SPECC1L: variants seen among roughly 807,000 people sequenced by gnomAD.
SPECC1L encodes sperm antigen with calponin homology and coiled-coil domains 1 like.
In SPECC1L, 40 loss-of-function variants were observed where a neutral mutation model predicts 116.8. The ratio of observed to expected loss-of-function variants is 0.34; its 90% CI spans 0.27 to 0.45. The LOEUF is 0.45. SPECC1L is among the 20% of genes least tolerant of loss of function. The pLI, the probability that SPECC1L is intolerant of heterozygous loss-of-function variation, is 1.00. For missense variants in SPECC1L, 1,110 were observed against 1,373.6 expected (o/e 0.81, Z 3.03); for synonymous variants, 504 against 500.6 (o/e 1.01, Z -0.09).
chr22:24,272,408 C>G (rs2048746249), intron 1 of SPECC1L, among the ~76,000 whole-genome samples: 1 of 151,822 alleles, frequency 6.6e-6, no homozygotes, highest in Non-Finnish European at 1.5e-5. Context: ...CTCCCTGGCT[C>G]ACGCCTGTAA....
chr22:24,332,511 AAAG>A (rs1204143914), intron 8 of SPECC1L, among the ~76,000 whole-genome samples: 3 of 152,230 alleles, frequency 2.0e-5, no homozygotes, highest in Non-Finnish European at 4.4e-5. Context: ...TGCAGTTATC[AAAG>A]AAGAACAGCT....
chr22:24,361,381 C>T (rs2041639610), intron 11 of SPECC1L, among the ~76,000 whole-genome samples: 2 of 151,732 alleles, frequency 1.3e-5, no homozygotes. Context: ...AGAGCAAGGT[C>T]CTGTCTTAGA....
At chr22:24,317,204 G>C (rs1601543018) in intron 4 of SPECC1L, among the ~76,000 whole-genome samples, 5 of 106,020 alleles carry the variant, frequency 4.7e-5, no homozygotes, top group African/African-American at 1.1e-4. Context: ...TCCCAGTAGG[G>C]GCGGCCGGGC....
chr22:24,414,441 C>T (rs980560168), intron 16 of SPECC1L, 93 bp from the exon 17 acceptor site: 16 of 1,016,958 alleles, frequency 1.6e-5, no homozygotes, highest in African/African-American at 1.1e-4. Flanking sequence ...AGGCCCCATC[C>T]AACTCCAAGA....
chr22:24,412,611 T>A (rs759773696), intron 15 of SPECC1L, 37 bp from the exon 16 acceptor site: 1 of 1,610,314 alleles, frequency 6.2e-7, no homozygotes, highest in Non-Finnish European at 8.5e-7. Context: ...TCTCTGTGCC[T>A]TGTTCATGCA....
intron 11 of SPECC1L, among the ~76,000 whole-genome samples, chr22:24,354,335 G>A (rs939484962): frequency 3.9e-5 from 6 of 152,176 alleles, no homozygotes; most frequent in Admixed American, 6.5e-5. Flanking sequence ...AGTTATTACC[G>A]TGGTGTTTCA....
At chr22:24,288,846 G>C (rs2049102406) in intron 2 of SPECC1L, among the ~76,000 whole-genome samples, 1 of 151,806 alleles carries the variant, frequency 6.6e-6, no homozygotes, top group South Asian at 2.1e-4. Flanking sequence ...GGCTGGTCTT[G>C]AACTCCTGAC....
chr22:24,402,406 A>G (rs2042497043), intron 14 of SPECC1L, among the ~76,000 whole-genome samples: 1 of 151,878 alleles, frequency 6.6e-6, no homozygotes, highest in Non-Finnish European at 1.5e-5. Context: ...CAGACATTAT[A>G]TCTTCTCCCA....
intron 14 of SPECC1L, among the ~76,000 whole-genome samples, chr22:24,380,328 T>G (rs768228752): frequency 3.9e-5 from 6 of 152,222 alleles, no homozygotes; most frequent in Non-Finnish European, 5.9e-5. Flanking sequence ...TGTCCTTTGG[T>G]CTCTGACTAC....
rs181220337 is a variant in SPECC1L, at chr22:24,377,657, A to G, written c.3087+8337A>G. On this transcript the variant is annotated intron_variant, in intron 14 of 16. Transcript: ENST00000314328. Reference sequence around the variant, plus strand: ...ACATTTTAAGCCCACTCCTTGATCTATGAGCTGCAGAATGGATGTTGTATT... The same window carrying G: ...ACATTTTAAGCCCACTCCTTGATCTGTGAGCTGCAGAATGGATGTTGTATT... Among the ~76,000 whole-genome samples the G allele has an allele frequency of 1.7e-4, 26 of 152,328 alleles. 1 individual carries two copies. The South Asian group carries it at 3.9e-3, about 23-fold the overall frequency.
chr22:24,381,265 A>G (rs1276061909), intron 14 of SPECC1L, among the ~76,000 whole-genome samples: 3 of 152,200 alleles, frequency 2.0e-5, no homozygotes, highest in Middle Eastern at 3.2e-3. Flanking sequence ...GAAAAATCTC[A>G]ATGTTTTCTG....
intron 13 of SPECC1L, among the ~76,000 whole-genome samples, chr22:24,366,132 C>T (rs1158580500): frequency 6.6e-6 from 1 of 151,804 alleles, no homozygotes; most frequent in African/African-American, 2.4e-5. Context: ...GAAGGTGTAC[C>T]TACCATATCA....
Position 24,415,179 on chromosome 22 carries a change from G to A in SPECC1L, c.*556G>A, listed in dbSNP as rs1288010225. On this transcript the variant is annotated 3_prime_UTR_variant, in exon 17 of 17. Transcript: ENST00000314328. ...GTGGGTCAGCTGCCCCACACCTGACGGGGCTGTCCCGGCCGACACAATCCA... is the reference window on the plus strand; with the variant it reads ...GTGGGTCAGCTGCCCCACACCTGACAGGGCTGTCCCGGCCGACACAATCCA... 4 of 176,464 alleles carry A rather than the reference G, an allele frequency of 2.3e-5. No individual in the cohort carries two copies. The highest frequency in any genetic ancestry group is 4.9e-5 in the Non-Finnish European group (4 of 80,912). The allele number at this position is 176,464 out of a possible 1,614,324, so 10.9% of individuals were successfully genotyped here.
chr22:24,407,515 C>T (rs955470519), intron 14 of SPECC1L, among the ~76,000 whole-genome samples: 1 of 152,188 alleles, frequency 6.6e-6, no homozygotes, highest in African/African-American at 2.4e-5. Context: ...GCCAGAGCTG[C>T]CTGCGTTTCA....
intron 12 of SPECC1L, among the ~76,000 whole-genome samples, chr22:24,365,112 A>G (rs564745989): frequency 3.3e-5 from 5 of 152,156 alleles, no homozygotes; most frequent in Non-Finnish European, 4.4e-5. Flanking sequence ...GGTTTAAGCA[A>G]TTCTCCTGCC....
In SPECC1L at chr22:24,416,976, G is replaced by C. The variant is rs115850493; in HGVS notation, c.*2353G>C. 6.6e-6 allele frequency: 1 copy of C among 152,342 alleles called. No individual in the cohort carries two copies. Among genetic ancestry groups the C allele is most frequent in the African/African-American group, 2.4e-5 (1 of 41,400 alleles). The allele number at this position is 152,342 out of a possible 1,614,324, so 9.4% of individuals were successfully genotyped here. On this transcript the variant is annotated 3_prime_UTR_variant, in exon 17 of 17. Transcript: ENST00000314328. ...TTCCAGAAGCATTGCCTTTTGCCTC[G>C]TCTAATAGGATCCTTAGGACACTGT...
At position 24,303,844 on chromosome 22, in the gene SPECC1L, G is replaced by GGTGTGTGT. The variant is rs3031935; in HGVS notation, c.153+1495_153+1502dup. Among the ~76,000 whole-genome samples the GGTGTGTGT allele has an allele frequency of 7.4e-3, 1,067 of 144,076 alleles. 11 individuals carry two copies. Among genetic ancestry groups the GGTGTGTGT allele is most frequent in the African/African-American group, 0.017 (656 of 38,220 alleles). 94.5% of individuals were successfully genotyped at this position (144,076 alleles called of 152,430 possible). On this transcript the variant is annotated intron_variant, in intron 3 of 16. Coordinates refer to ENST00000314328, the MANE Select transcript of SPECC1L (RefSeq NM_015330.6). ...CTGCTGCATTAACAAGTTTAAATAG[G>GGTGTGTGT]GTGTGTGTGTGTGTGTGTGTGTGTG...
intron 10 of SPECC1L, among the ~76,000 whole-genome samples, chr22:24,342,615 A>G (rs966612409): frequency 1.3e-4 from 19 of 150,658 alleles, no homozygotes; most frequent in South Asian, 2.1e-4. Context: ...GGAGGTTGCA[A>G]TGAGCTGAGA....
At chr22:24,298,130 T>G (rs2049303601) in intron 2 of SPECC1L, among the ~76,000 whole-genome samples, 1 of 152,186 alleles carries the variant, frequency 6.6e-6, no homozygotes, top group South Asian at 2.1e-4. Flanking sequence ...ATTCAATAAA[T>G]TACATGAGGT....
Sources: gnomAD v4.1 joint callset for allele counts (sites outside exome capture counted in the v4.1 genomes callset) on GRCh38, gnomAD v4.1.1 for gene constraint, MANE v1.5 for transcripts, NCBI Gene and HGNC (gene_info 2026-07-23, HGNC 2026-07-21) for gene names.